RPS6KC1: variants seen among roughly 807,000 people sequenced by gnomAD.
RPS6KC1 encodes the protein ribosomal protein S6 kinase C1, also known as inactive ribosomal protein S6 kinase delta-1.
Under a neutral mutation model 103.8 loss-of-function variants are expected in RPS6KC1, and 54 were observed. That is an observed-to-expected ratio of 0.52 (90% CI 0.42 to 0.65). The LOEUF is 0.65. RPS6KC1 is among the 30% of genes least tolerant of loss of function. The pLI is 0.00. For synonymous variants in RPS6KC1, 439 were observed against 438.7 expected (o/e 1.00, Z -0.01); for missense variants, 1,151 against 1,253.8 (o/e 0.92, Z 1.24).
At chr1:213,296,923 G>C in the RPS6KC1 span, among the ~76,000 whole-genome samples, 1 of 152,326 alleles carries the variant, frequency 6.6e-6, no homozygotes, top group South Asian at 2.1e-4. Flanking sequence ...TGAGTAAGGA[G>C]TAAGGTGGGG....
chr1:213,355,576 A>G, the RPS6KC1 span, among the ~76,000 whole-genome samples: 5 of 152,250 alleles, frequency 3.3e-5, no homozygotes, highest in African/African-American at 7.2e-5. Flanking sequence ...GTAGATTTGC[A>G]TAAATGAATG....
chr1:213,531,061 A>AC, the RPS6KC1 span, among the ~76,000 whole-genome samples: 1 of 152,168 alleles, frequency 6.6e-6, no homozygotes. Context: ...GAATAGGAAG[A>AC]CATTGCTGAG....
chr1:213,327,685 T>C, the RPS6KC1 span, among the ~76,000 whole-genome samples: 1 of 152,104 alleles, frequency 6.6e-6, no homozygotes, highest in East Asian at 1.9e-4. Context: ...AGGGAAGAAA[T>C]TGGGAAATAA....
the RPS6KC1 span, among the ~76,000 whole-genome samples, chr1:213,368,895 G>A: frequency 1.3e-5 from 2 of 152,204 alleles, no homozygotes; most frequent in Non-Finnish European, 2.9e-5. Context: ...AGATGAAGTA[G>A]GAGTTATTAA....
the RPS6KC1 span, among the ~76,000 whole-genome samples, chr1:213,315,092 T>C: frequency 6.6e-6 from 1 of 152,230 alleles, no homozygotes; most frequent in African/African-American, 2.4e-5. Context: ...TTTTAAATGA[T>C]GTGATAGAAC....
At chr1:213,068,652 T>C (rs999111564) in intron 1 of RPS6KC1, among the ~76,000 whole-genome samples, 2 of 152,164 alleles carry the variant, frequency 1.3e-5, no homozygotes, top group South Asian at 2.1e-4. Flanking sequence ...TTACCTGTTA[T>C]AGTCTCTTAT....
the RPS6KC1 span, among the ~76,000 whole-genome samples, chr1:213,572,800 A>G: frequency 6.6e-6 from 1 of 152,234 alleles, no homozygotes; most frequent in African/African-American, 2.4e-5. Flanking sequence ...TAAAGAGATA[A>G]AAATTGGGAT....
chr1:213,750,950 C>T, the RPS6KC1 span, among the ~76,000 whole-genome samples: 1 of 152,138 alleles, frequency 6.6e-6, no homozygotes, highest in South Asian at 2.1e-4. Flanking sequence ...GAATGTGGAA[C>T]TGGGGAAGAA....
At chr1:213,064,098 C>T (rs2078076856) in intron 1 of RPS6KC1, among the ~76,000 whole-genome samples, 1 of 152,038 alleles carries the variant, frequency 6.6e-6, no homozygotes, top group Non-Finnish European at 1.5e-5. Flanking sequence ...ACTTGGTCAC[C>T]CAGGCTGGAG....
chr1:213,483,880 A>G, the RPS6KC1 span, among the ~76,000 whole-genome samples: 1 of 152,196 alleles, frequency 6.6e-6, no homozygotes, highest in African/African-American at 2.4e-5. Flanking sequence ...TGTTTGCCTG[A>G]TAGAGTCTAA....
At chr1:213,301,047 CA>C in the RPS6KC1 span, among the ~76,000 whole-genome samples, 5 of 152,160 alleles carry the variant, frequency 3.3e-5, no homozygotes, top group African/African-American at 4.8e-5. Flanking sequence ...AATCCCATGT[CA>C]GGGGCGCCCC....
chr1:213,582,555 T>C, the RPS6KC1 span, among the ~76,000 whole-genome samples: 1 of 152,232 alleles, frequency 6.6e-6, no homozygotes, highest in African/African-American at 2.4e-5. Flanking sequence ...GTATGACATT[T>C]ACCTCTTTGT....
At chr1:213,520,660 C>T in the RPS6KC1 span, among the ~76,000 whole-genome samples, 1 of 152,014 alleles carries the variant, frequency 6.6e-6, no homozygotes, top group Non-Finnish European at 1.5e-5. Context: ...ACTTTCCTTC[C>T]CTACCAAACC....
chr1:213,693,580 A>C, the RPS6KC1 span, among the ~76,000 whole-genome samples: 1 of 152,218 alleles, frequency 6.6e-6, no homozygotes, highest in African/African-American at 2.4e-5. Flanking sequence ...CTGAGTGGTC[A>C]CTGAGCCACA....
chr1:213,252,159 T>G (rs972482192), intron 12 of RPS6KC1, among the ~76,000 whole-genome samples: 3 of 152,174 alleles, frequency 2.0e-5, no homozygotes, highest in Non-Finnish European at 4.4e-5. Flanking sequence ...GCATAGAAAA[T>G]CTTTATACAC....
chr1:213,713,593 C>A, the RPS6KC1 span, among the ~76,000 whole-genome samples: 1 of 152,252 alleles, frequency 6.6e-6, no homozygotes, highest in South Asian at 2.1e-4. Context: ...GAATTAGGTC[C>A]CTGTGGGTGG....
chr1:213,481,992 C>T, the RPS6KC1 span, among the ~76,000 whole-genome samples: 36 of 152,226 alleles, frequency 2.4e-4, no homozygotes, highest in Admixed American at 1.2e-3. Context: ...ATGTGCACCT[C>T]CTTCCCTCTC....
chr1:213,370,286 T>TA, the RPS6KC1 span, among the ~76,000 whole-genome samples: 3,858 of 150,338 alleles, frequency 0.026, 214 homozygotes, highest in African/African-American at 0.09. Flanking sequence ...TATTTTATTT[T>TA]TTTTGCATGT....
rs1389000164 is a variant in RPS6KC1 at position 213,241,081 on chromosome 1, G to A, written c.1605G>A (p.Met535Ile). Residue 535 changes from methionine (M) to isoleucine (I), a missense_variant, in exon 11 of 15, where the codon ATG becomes ATA. Physicochemically the swap from Met to Ile is conservative, Grantham distance 10. This residue lies in a region of RPS6KC1 where 959 missense variants were observed against 1,006.3 expected (regional missense o/e 0.95). Coordinates refer to ENST00000366960, the MANE Select transcript of RPS6KC1 (RefSeq NM_012424.6). ...EPGSLNEEPF[M>I]KTEGNGVDTK... Reference sequence around the variant, plus strand: ...GGTCTTTGAATGAGGAGCCCTTCATGAAGACTGAAGGGAATGGTGTTGATA... The same window carrying A: ...GGTCTTTGAATGAGGAGCCCTTCATAAAGACTGAAGGGAATGGTGTTGATA... 3 of 1,613,458 alleles carry A rather than the reference G, an allele frequency of 1.9e-6. No individual in the cohort carries two copies. Among genetic ancestry groups the A allele is most frequent in the Non-Finnish European group, 2.5e-6 (3 of 1,179,918 alleles).
Sources: allele counts gnomAD v4.1 joint callset (sites outside exome capture counted in the v4.1 genomes callset), GRCh38; gene constraint gnomAD v4.1.1; regional missense constraint gnomAD v4.1.1; transcripts MANE v1.5; gene names NCBI Gene and HGNC (gene_info 2026-07-23, HGNC 2026-07-21).